The following OR51B5 variants were observed in gnomAD, a reference collection of about 807,000 sequenced individuals.
The protein encoded by OR51B5 is olfactory receptor 51B5.
For missense variants in OR51B5, 456 were observed against 374.6 expected (o/e 1.22, Z -1.79); for synonymous variants, 186 against 144.8 (o/e 1.28, Z -2.04).
chr11:5,412,357 G>C (rs1419437902), intron 1 of OR51B5, among the ~76,000 whole-genome samples: 9 of 152,214 alleles, frequency 5.9e-5, no homozygotes, highest in African/African-American at 2.2e-4. Flanking sequence ...CTCCCAGCGT[G>C]AGCGATGCAG....
chr11:5,375,807 A>G (rs1589961515), intron 1 of OR51B5, among the ~76,000 whole-genome samples: 1 of 152,192 alleles, frequency 6.6e-6, no homozygotes, highest in East Asian at 1.9e-4. Flanking sequence ...CCAGATTCAT[A>G]AAGCAAGTCC....
chr11:5,439,250 G>C (rs1850638134), intron 1 of OR51B5, among the ~76,000 whole-genome samples: 1 of 152,126 alleles, frequency 6.6e-6, no homozygotes, highest in Non-Finnish European at 1.5e-5. Flanking sequence ...GATTATGACT[G>C]TGGGGTGGCT....
intron 1 of OR51B5, among the ~76,000 whole-genome samples, chr11:5,429,778 G>A (rs1850508397): frequency 6.6e-6 from 1 of 152,164 alleles, no homozygotes; most frequent in Non-Finnish European, 1.5e-5. Context: ...GTATAGCCAG[G>A]AACAGTGATA....
exon 1 of OR51B5, chr11:5,342,751 C>A: frequency 6.2e-7 from 1 of 1,613,710 alleles, no homozygotes; most frequent in South Asian, 1.1e-5. Flanking sequence ...AACGATGAAT[C>A]AGAGACAATC....
chr11:5,439,092 C>T (rs1850634957), intron 1 of OR51B5, among the ~76,000 whole-genome samples: 1 of 144,048 alleles, frequency 6.9e-6, no homozygotes, highest in South Asian at 2.2e-4. Context: ...CTTTCTCTCT[C>T]TCTCGTCCTC....
chr11:5,407,129 C>A (rs1386924144), intron 1 of OR51B5, among the ~76,000 whole-genome samples: 2 of 152,062 alleles, frequency 1.3e-5, no homozygotes, highest in Non-Finnish European at 2.9e-5. Flanking sequence ...CCTACCAAAA[C>A]TGACAGTACT....
chr11:5,380,861 T>C (rs1849597378), intron 1 of OR51B5, among the ~76,000 whole-genome samples: 2 of 152,050 alleles, frequency 1.3e-5, no homozygotes, highest in African/African-American at 4.8e-5. Flanking sequence ...AAAAGCCACA[T>C]TTTCTTGTGC....
At chr11:5,432,999 T>A (rs1850552849) in intron 1 of OR51B5, among the ~76,000 whole-genome samples, 1 of 152,084 alleles carries the variant, frequency 6.6e-6, no homozygotes, top group South Asian at 2.1e-4. Context: ...ATGTTTTGAA[T>A]GAAAGTGAGA....
At chr11:5,388,578 A>G (rs1328763986) in intron 1 of OR51B5, among the ~76,000 whole-genome samples, 2 of 149,124 alleles carry the variant, frequency 1.3e-5, no homozygotes, top group African/African-American at 5.0e-5. Flanking sequence ...AGAATTGTTT[A>G]GTGTCATTAA....
At chr11:5,384,700 A>C (rs1339189590) in intron 1 of OR51B5, among the ~76,000 whole-genome samples, 3 of 152,204 alleles carry the variant, frequency 2.0e-5, no homozygotes. Flanking sequence ...CACTTATTCA[A>C]CAAATTATTA....
chr11:5,411,466 C>T lies in OR51B5; in HGVS notation n.85-64556G>A, dbSNP rs546384045. 6.6e-5 allele frequency among the ~76,000 whole-genome samples: 6 copies of T among 90,414 alleles called. No homozygotes were observed. In the South Asian group the frequency reaches 1.6e-3, roughly 24 times the overall value. The allele number at this position is 90,414 out of a possible 152,430, so 59.3% of individuals were successfully genotyped here. On this transcript the variant is annotated intron_variant and non_coding_transcript_variant, in intron 1 of 4. Coordinates refer to the OR51B5 transcript ENST00000415970. ...CATATCTCAGGACATACCCCTGTTG[C>T]TAAGTGACACATGACTGTATTTCTA...
intron 1 of OR51B5, among the ~76,000 whole-genome samples, chr11:5,375,829 C>A (rs1271834324): frequency 1.3e-5 from 2 of 152,104 alleles, no homozygotes; most frequent in Non-Finnish European, 2.9e-5. Flanking sequence ...TAGAGACCTA[C>A]AAAGAGACTT....
intron 1 of OR51B5, among the ~76,000 whole-genome samples, chr11:5,491,401 A>C (rs976588936): frequency 2.6e-5 from 4 of 152,178 alleles, no homozygotes; most frequent in African/African-American, 9.7e-5. Context: ...AGGTAAATTC[A>C]TGCACAAGGA....
Position 5,357,516 on chromosome 11 carries a change from C to A in OR51B5, n.85-10606G>T, listed in dbSNP as rs556237572. 2.4e-4 allele frequency among the ~76,000 whole-genome samples: 37 copies of A among 152,050 alleles called. 1 individual carries two copies. Among genetic ancestry groups the A allele is most frequent in the Non-Finnish European group, 5.1e-4 (35 of 68,008 alleles). On this transcript the variant is annotated intron_variant and non_coding_transcript_variant, in intron 1 of 4. Transcript: ENST00000415970. Reference sequence around the variant, plus strand: ...CTACAAAGAGACTTAGACTCTCACACAATAACAATGGGAGACTTTAACACC... The same window carrying A: ...CTACAAAGAGACTTAGACTCTCACAAAATAACAATGGGAGACTTTAACACC...
intron 1 of OR51B5, among the ~76,000 whole-genome samples, chr11:5,464,315 T>G (rs1851100182): frequency 6.6e-6 from 1 of 152,182 alleles, no homozygotes; most frequent in South Asian, 2.1e-4. Flanking sequence ...TACTTTAAGT[T>G]TTAGGGTACA....
At chr11:5,350,765 C>A (rs4910753) in intron 1 of OR51B5, among the ~76,000 whole-genome samples, 10,779 of 152,158 alleles carry the variant, frequency 0.071, 445 homozygotes, top group South Asian at 0.1. Flanking sequence ...AATTTGAATT[C>A]TTTGAAGCAG....
chr11:5,402,718 T>G lies in OR51B5; in HGVS notation n.85-55808A>C, dbSNP rs1387388747. 20 of 471,332 alleles carry G rather than the reference T, an allele frequency of 4.2e-5. No individual in the cohort carries two copies. In the East Asian group the frequency reaches 1.2e-3, roughly 28 times the overall value. The allele number at this position is 471,332 out of a possible 1,614,324, so 29.2% of individuals were successfully genotyped here. On this transcript the variant is annotated intron_variant and non_coding_transcript_variant, in intron 1 of 4. Transcript: ENST00000415970. ...CCCTTCTCCCTGATATACATCATCATTTTCCTTGGGAATGGCATCATTCTT... is the reference window on the plus strand; with the variant it reads ...CCCTTCTCCCTGATATACATCATCAGTTTCCTTGGGAATGGCATCATTCTT...
chr11:5,440,715 C>T (rs764650285), intron 1 of OR51B5: 1 of 1,613,912 alleles, frequency 6.2e-7, no homozygotes, highest in South Asian at 1.1e-5. Context: ...AGCACTTTTC[C>T]AGAAGCGGTG....
intron 1 of OR51B5, among the ~76,000 whole-genome samples, chr11:5,370,608 A>C (rs1256358043): frequency 6.6e-6 from 1 of 152,218 alleles, no homozygotes; most frequent in Admixed American, 6.6e-5. Flanking sequence ...ACATTTATTT[A>C]ACAAGCGGTC....
Sources: allele counts gnomAD v4.1 joint callset (sites outside exome capture counted in the v4.1 genomes callset), GRCh38; gene constraint gnomAD v4.1.1; transcripts MANE v1.5; gene names NCBI Gene and HGNC (gene_info 2026-07-23, HGNC 2026-07-21).